Variants in TNR observed in about 807,000 individuals in gnomAD.
TNR encodes the protein tenascin-R.
TNR carries 45 observed loss-of-function variants against 150.4 expected under a neutral mutation model. That is an observed-to-expected ratio of 0.30 (90% CI 0.24 to 0.38). The LOEUF is 0.38. TNR is among the 10% of genes least tolerant of loss of function. TNR has a pLI of 1.00. For synonymous variants in TNR, 687 were observed against 678.4 expected, an observed-to-expected ratio of 1.01 and a Z score of -0.20; for missense variants, 1,544 against 1,759.1, an observed-to-expected ratio of 0.88 and a Z score of 2.19.
intron 20 of TNR, among the ~76,000 whole-genome samples, chr1:175,331,029 C>CTTTCTTTCTTTCTTTCT (rs1649748377): frequency 1.5e-5 from 1 of 68,122 alleles, no homozygotes; most frequent in African/African-American, 4.8e-5. Flanking sequence ...TTCTTTCTTT[C>CTTTCTTTCTTTCTTTCT]TTTCTTTCTT....
intron 21 of TNR, among the ~76,000 whole-genome samples, chr1:175,329,779 A>ACAAT (rs1216753898): frequency 2.0e-5 from 3 of 152,230 alleles, no homozygotes; most frequent in African/African-American, 7.2e-5. Context: ...CCTTAAAAGT[A>ACAAT]CAATCACTCC....
At position 175,541,509 on chromosome 1, in the gene TNR, A is replaced by C. The variant is rs577907898; in HGVS notation, c.-164-13140T>G. On this transcript the variant is annotated intron_variant, in intron 1 of 22. Coordinates refer to ENST00000367674, the MANE Select transcript of TNR (RefSeq NM_003285.3). ...CCTATCCAAATAAAATAACAGGAAA[A>C]GTGCCTTTCAGTACTGATTAACCAC... Among the ~76,000 whole-genome samples the C allele has an allele frequency of 9.0e-4, 137 of 152,374 alleles. 1 individual carries two copies. Among genetic ancestry groups the C allele is most frequent in the Middle Eastern group, 3.4e-3 (1 of 294 alleles).
In TNR at chr1:175,379,094, G is replaced by C. The variant is rs894764579; in HGVS notation, c.1963+458C>G. 1.3e-4 allele frequency among the ~76,000 whole-genome samples: 19 copies of C among 151,086 alleles called. No individual in the cohort carries two copies. In the South Asian group the frequency reaches 2.9e-3, roughly 23 times the overall value. ...CTTGGGAGGCTGAGGCAGGAGAATC[G>C]CTTGAACCCGGGAGGCAGAGGTTGC... is the stretch of plus-strand genomic sequence containing the variant. On this transcript the variant is annotated intron_variant, in intron 9 of 22. Coordinates refer to ENST00000367674, the MANE Select transcript of TNR (RefSeq NM_003285.3).
intron 8 of TNR, among the ~76,000 whole-genome samples, chr1:175,381,582 A>C (rs1652683153): frequency 6.6e-6 from 1 of 152,178 alleles, no homozygotes; most frequent in Admixed American, 6.5e-5. Context: ...CTGGCCTTGA[A>C]GTCTGACCTC....
intron 9 of TNR, among the ~76,000 whole-genome samples, chr1:175,374,218 C>A (rs1239801441): frequency 2.6e-5 from 4 of 152,192 alleles, no homozygotes; most frequent in African/African-American, 9.7e-5. Context: ...TCTCAGATTT[C>A]TTCCCCTGCA....
At chr1:175,668,963 G>T (rs16848914) in intron 1 of TNR, among the ~76,000 whole-genome samples, 2,798 of 152,286 alleles carry the variant, frequency 0.018, 82 homozygotes, top group African/African-American at 0.064. Flanking sequence ...GTTCCAGTGT[G>T]TTGGGCCTCT....
intron 10 of TNR, among the ~76,000 whole-genome samples, chr1:175,366,688 G>A (rs1311813425): frequency 6.6e-6 from 1 of 152,232 alleles, no homozygotes; most frequent in Non-Finnish European, 1.5e-5. Context: ...AGTACCATAG[G>A]TGCTGAAATG....
chr1:175,599,595 C>A lies in TNR; in HGVS notation c.-164-71226G>T, dbSNP rs1558031182. 6.6e-6 allele frequency among the ~76,000 whole-genome samples: 1 copy of A among 152,094 alleles called. No homozygotes were observed. The highest frequency in any genetic ancestry group is 6.5e-5 in the Admixed American group (1 of 15,280). On this transcript the variant is annotated intron_variant, in intron 1 of 22. Coordinates refer to ENST00000367674, the MANE Select transcript of TNR (RefSeq NM_003285.3). The surrounding 1 kb of genome is among the most constrained non-coding windows in gnomAD (Gnocchi z 4.7). Reference sequence around the variant, plus strand: ...TCAGCGGTAATGGGGCCGGCCCACCCGGAGGCAGCCCGGAGCAGCGTCGCC... The same window carrying A: ...TCAGCGGTAATGGGGCCGGCCCACCAGGAGGCAGCCCGGAGCAGCGTCGCC...
chr1:175,696,851 C>T (rs1425786811), intron 1 of TNR, among the ~76,000 whole-genome samples: 1 of 146,634 alleles, frequency 6.8e-6, no homozygotes. Context: ...TGCACTTCAG[C>T]CTGGGCAACA....
intron 9 of TNR, among the ~76,000 whole-genome samples, chr1:175,373,134 G>A (rs551717952): frequency 6.6e-5 from 10 of 152,234 alleles, no homozygotes; most frequent in South Asian, 4.1e-4. Context: ...GGGAGACTCC[G>A]AAGAGAGGAT....
Position 175,393,827 on chromosome 1 carries a change from G to T in TNR, c.1309C>A (p.Pro437Thr). 6.2e-7 allele frequency: 1 copy of T among 1,614,190 alleles called. No homozygotes were observed. Among genetic ancestry groups the T allele is most frequent in the South Asian group, 1.1e-5 (1 of 91,082 alleles). ...TETTVEVQWE[P>T]FSFSFDGWEI... ...CACCCATCGAAGGAAAATGAGAAGG[G>T]CTCCCACTGCACCTCCACGGTGGTC... Residue 437 changes from proline to threonine, a missense_variant, in exon 6 of 23, where the codon CCC (proline) becomes ACC (threonine). By Grantham distance (38) the Pro-to-Thr change is conservative (BLOSUM62 -1). Coordinates refer to ENST00000367674, the MANE Select transcript of TNR (RefSeq NM_003285.3).
Position 175,599,750 on chromosome 1 carries a change from G to A in TNR, c.-164-71381C>T, listed in dbSNP as rs558664260. On this transcript the variant is annotated intron_variant, in intron 1 of 22. Transcript: ENST00000367674. This position sits in a 1 kb window ranked among gnomAD's most constrained non-coding sequence, Gnocchi z 4.7. Reference sequence around the variant, plus strand: ...AGGCTTTTCGTGAGACCCATTGGCGGGTTCCCTGCCACCAATATGCAGTCT... The same window carrying A: ...AGGCTTTTCGTGAGACCCATTGGCGAGTTCCCTGCCACCAATATGCAGTCT... Among the ~76,000 whole-genome samples, 142 of 152,362 alleles carry A rather than the reference G, an allele frequency of 9.3e-4. No individual in the cohort carries two copies. The highest frequency in any genetic ancestry group is 1.3e-3 in the Non-Finnish European group (89 of 68,040).
chr1:175,509,395 G>A (rs1659078046), intron 2 of TNR, among the ~76,000 whole-genome samples: 1 of 152,118 alleles, frequency 6.6e-6, no homozygotes, highest in Non-Finnish European at 1.5e-5. Context: ...CCTGTTTCCA[G>A]GTTATCTTTG....
At chr1:175,629,585 T>C (rs896992149) in intron 1 of TNR, among the ~76,000 whole-genome samples, 9 of 152,084 alleles carry the variant, frequency 5.9e-5, no homozygotes, top group African/African-American at 4.8e-5. Context: ...CGTCAAACCC[T>C]GAGCATCAGA....
chr1:175,716,577 G>A, intron 1 of TNR, among the ~76,000 whole-genome samples: 1 of 152,134 alleles, frequency 6.6e-6, no homozygotes, highest in East Asian at 1.9e-4. Context: ...CTGTGTGATT[G>A]TGATGGCCCC....
intron 2 of TNR, among the ~76,000 whole-genome samples, chr1:175,454,970 G>A (rs1656501041): frequency 1.3e-5 from 2 of 152,158 alleles, no homozygotes; most frequent in Admixed American, 1.3e-4. Context: ...AACTAATAGA[G>A]GATGGAGGAA....
intron 9 of TNR, 31 bp downstream of exon 9, chr1:175,379,521 A>G (rs1238151972): frequency 1.9e-6 from 3 of 1,594,064 alleles, no homozygotes; most frequent in Non-Finnish European, 2.6e-6. Context: ...CTCAGCAACC[A>G]GCATAACCCC....
At chr1:175,741,648 A>G (rs150239904) in intron 1 of TNR, among the ~76,000 whole-genome samples, 48 of 152,210 alleles carry the variant, frequency 3.2e-4, no homozygotes, top group Admixed American at 2.0e-4. Flanking sequence ...ACTTCCTGCC[A>G]CTCTAGGGAG....
At position 175,316,268 on chromosome 1, in the gene TNR, T is replaced by G. The variant is rs940258289; in HGVS notation, c.*7089A>C. The G allele has an allele frequency of 4.6e-5, 7 of 152,324 alleles. No individual in the cohort carries two copies. The highest frequency in any genetic ancestry group is 1.7e-4 in the African/African-American group (7 of 41,574). The allele number at this position is 152,324 out of a possible 1,614,324, so 9.4% of individuals were successfully genotyped here. On this transcript the variant is annotated 3_prime_UTR_variant, in exon 23 of 23. Coordinates refer to ENST00000367674, the MANE Select transcript of TNR (RefSeq NM_003285.3). ...CTGATGCCTTCCCACCCACTAGGGA[T>G]GTGGGGCAGGTAAGGAGTGGGGAAA... is the stretch of plus-strand genomic sequence containing the variant.
Sources: gnomAD v4.1 joint callset for allele counts (sites outside exome capture counted in the v4.1 genomes callset) on GRCh38, gnomAD v4.1.1 for gene constraint, Gnocchi (gnomAD v3.1) non-coding constraint, MANE v1.5 for transcripts, NCBI Gene and HGNC (gene_info 2026-07-23, HGNC 2026-07-21) for gene names.